CLSTN2: variants seen among roughly 807,000 people sequenced by gnomAD.
CLSTN2 encodes calsyntenin-2.
CLSTN2 carries 48 observed loss-of-function variants against 101.2 expected under a neutral mutation model. The ratio of observed to expected loss-of-function variants is 0.47; its 90% CI spans 0.38 to 0.60. The LOEUF (loss-of-function observed/expected upper bound fraction) is 0.60, where lower values mean the gene tolerates loss of function less well. Ranked by LOEUF, CLSTN2 falls within the 20% of genes least tolerant of loss-of-function variation. The probability of loss-of-function intolerance (pLI) is 0.00; values close to 1 mark genes in which losing one functional copy is unlikely to be tolerated. For synonymous variants in CLSTN2, 481 were observed against 463.6 expected (o/e 1.04, Z -0.48); for missense variants, 1,160 against 1,238.2 (o/e 0.94, Z 0.95).
chr3:139,993,201 C>T (rs1037007831), intron 1 of CLSTN2, among the ~76,000 whole-genome samples: 1 of 152,104 alleles, frequency 6.6e-6, no homozygotes, highest in Non-Finnish European at 1.5e-5. Flanking sequence ...CTCCTTCCCT[C>T]CTATTCCAAG....
At chr3:140,484,789 G>A (rs540684781) in intron 8 of CLSTN2, among the ~76,000 whole-genome samples, 17 of 152,094 alleles carry the variant, frequency 1.1e-4, no homozygotes, top group Non-Finnish European at 2.2e-4. Context: ...CGTAGCTCTC[G>A]TGCTGTGGTT....
chr3:139,968,824 G>C (rs532567542), intron 1 of CLSTN2, among the ~76,000 whole-genome samples: 2 of 152,268 alleles, frequency 1.3e-5, no homozygotes, highest in East Asian at 3.9e-4. Context: ...CAAATGAAAA[G>C]TTATTGACAT....
At chr3:140,334,308 AC>A (rs2107931497) in intron 2 of CLSTN2, among the ~76,000 whole-genome samples, 1 of 152,350 alleles carries the variant, frequency 6.6e-6, no homozygotes, top group Admixed American at 6.5e-5. Context: ...TACTCCAGCC[AC>A]TGAGAAATGA....
At chr3:140,000,414 A>G (rs1156875831) in intron 1 of CLSTN2, among the ~76,000 whole-genome samples, 1 of 152,240 alleles carries the variant, frequency 6.6e-6, no homozygotes. Flanking sequence ...TGTGCCCATT[A>G]AAGATTAGCT....
At chr3:140,022,447 C>G (rs1278930785) in intron 1 of CLSTN2, among the ~76,000 whole-genome samples, 2 of 152,142 alleles carry the variant, frequency 1.3e-5, no homozygotes, top group Non-Finnish European at 2.9e-5. Flanking sequence ...GGCAAGCTGC[C>G]CAGGAGAGGG....
At chr3:139,938,048 G>T (rs1008310757) in intron 1 of CLSTN2, among the ~76,000 whole-genome samples, 1 of 147,612 alleles carries the variant, frequency 6.8e-6, no homozygotes, top group Admixed American at 6.9e-5. Flanking sequence ...TCTGAAGAAT[G>T]TTTGAAATGA....
At chr3:140,040,720 G>C (rs1382393898) in intron 1 of CLSTN2, among the ~76,000 whole-genome samples, 1 of 152,084 alleles carries the variant, frequency 6.6e-6, no homozygotes, top group Non-Finnish European at 1.5e-5. Flanking sequence ...CTTTAGAAAT[G>C]TGCCTTTACT....
At chr3:140,238,283 C>T (rs1480927810) in intron 2 of CLSTN2, among the ~76,000 whole-genome samples, 3 of 152,092 alleles carry the variant, frequency 2.0e-5, no homozygotes, top group Non-Finnish European at 4.4e-5. Flanking sequence ...CTGGAAAATT[C>T]CTGTTTTTGG....
chr3:140,016,771 C>A (rs547751440), intron 1 of CLSTN2, among the ~76,000 whole-genome samples: 20 of 142,298 alleles, frequency 1.4e-4, no homozygotes, highest in African/African-American at 4.4e-4. Flanking sequence ...TGCACTCCAG[C>A]CTGGTGACAG....
intron 1 of CLSTN2, among the ~76,000 whole-genome samples, chr3:140,118,255 T>C (rs1464737388): frequency 6.6e-6 from 1 of 152,014 alleles, no homozygotes; most frequent in Non-Finnish European, 1.5e-5. Flanking sequence ...AAAATAAATG[T>C]TTGTGTTTAA....
At chr3:140,415,503 A>AC (rs1232107289) in intron 4 of CLSTN2, among the ~76,000 whole-genome samples, 53 of 150,666 alleles carry the variant, frequency 3.5e-4, no homozygotes, top group Middle Eastern at 3.4e-3. Flanking sequence ...AAAAAAAAAA[A>AC]AAAAAAACAA....
chr3:140,053,879 T>A (rs1236671937), intron 1 of CLSTN2, among the ~76,000 whole-genome samples: 1 of 152,148 alleles, frequency 6.6e-6, no homozygotes, highest in Non-Finnish European at 1.5e-5. Flanking sequence ...TATCAACACA[T>A]GTAAGGAACC....
At chr3:140,049,188 A>G (rs1391343590) in intron 1 of CLSTN2, among the ~76,000 whole-genome samples, 1 of 152,210 alleles carries the variant, frequency 6.6e-6, no homozygotes, top group Non-Finnish European at 1.5e-5. Context: ...CCAGCTCTGG[A>G]GTGGAATAAA....
intron 1 of CLSTN2, among the ~76,000 whole-genome samples, chr3:140,106,350 C>T (rs761688981): frequency 1.3e-5 from 2 of 152,338 alleles, no homozygotes; most frequent in Non-Finnish European, 2.9e-5. Flanking sequence ...TCAAGAAAGG[C>T]TTCTTCCCAT....
chr3:140,430,259 A>G (rs910724808), intron 5 of CLSTN2, among the ~76,000 whole-genome samples: 2 of 152,142 alleles, frequency 1.3e-5, no homozygotes, highest in African/African-American at 4.8e-5. Flanking sequence ...TTTAATAGAT[A>G]ATCCCCCCTG....
intron 1 of CLSTN2, among the ~76,000 whole-genome samples, chr3:140,106,789 G>A (rs1413285435): frequency 6.6e-6 from 1 of 152,154 alleles, no homozygotes; most frequent in African/African-American, 2.4e-5. Flanking sequence ...TAGATTTTTA[G>A]AATACTATTA....
chr3:140,529,292 G>T (rs747521444), intron 8 of CLSTN2, among the ~76,000 whole-genome samples: 1 of 152,212 alleles, frequency 6.6e-6, no homozygotes, highest in African/African-American at 2.4e-5. Flanking sequence ...GCTGCCTGCC[G>T]TGGGAGTACA....
chr3:140,506,816 T>C (rs1442984900), intron 8 of CLSTN2: 4 of 152,166 alleles, frequency 2.6e-5, no homozygotes, highest in South Asian at 2.1e-4. Flanking sequence ...AAAATCATGA[T>C]GGATTGGAAA....
intron 1 of CLSTN2, among the ~76,000 whole-genome samples, chr3:140,094,356 T>C (rs78633507): frequency 0.025 from 3,782 of 152,300 alleles, 148 homozygotes; most frequent in African/African-American, 0.084. Context: ...CTAGAGGAGC[T>C]GTAAAGTCTC....
Sources: gnomAD v4.1 joint callset for allele counts (sites outside exome capture counted in the v4.1 genomes callset) on GRCh38, gnomAD v4.1.1 for gene constraint, MANE v1.5 for transcripts, NCBI Gene and HGNC (gene_info 2026-07-23, HGNC 2026-07-21) for gene names.